Variants in ZNF385D observed in about 807,000 individuals in gnomAD.
ZNF385D encodes the protein zinc finger protein 659.
A neutral mutation model predicts 35.8 loss-of-function variants in ZNF385D; 15 were observed. The observed-to-expected ratio is 0.42, with a 90% CI of 0.28 to 0.64. The LOEUF (loss-of-function observed/expected upper bound fraction) is 0.64, where lower values mean the gene tolerates loss of function less well. ZNF385D is among the 30% of genes least tolerant of loss of function. The pLI is 0.23. For synonymous variants in ZNF385D, 212 were observed against 186.8 expected (o/e 1.13, Z -1.10); for missense variants, 474 against 494.6 (o/e 0.96, Z 0.39).
intron 3 of ZNF385D, among the ~76,000 whole-genome samples, chr3:21,824,245 C>T (rs1293841746): frequency 2.0e-5 from 3 of 152,106 alleles, no homozygotes; most frequent in African/African-American, 4.8e-5. Flanking sequence ...TTTAAATTAA[C>T]GTTATATTCA....
intron 3 of ZNF385D, among the ~76,000 whole-genome samples, chr3:21,770,692 G>C (rs1380418674): frequency 1.3e-5 from 2 of 152,052 alleles, no homozygotes; most frequent in Admixed American, 6.6e-5. Context: ...TATTCCTCAG[G>C]GATCTAGAAC....
chr3:22,106,387 T>C (rs922719032), intron 3 of ZNF385D, among the ~76,000 whole-genome samples: 1 of 148,038 alleles, frequency 6.8e-6, no homozygotes, highest in Non-Finnish European at 1.5e-5. Context: ...TTCTCCTAGG[T>C]CCAGCTGAAA....
At chr3:22,337,235 G>A (rs1331837342) in intron 2 of ZNF385D, among the ~76,000 whole-genome samples, 1 of 151,740 alleles carries the variant, frequency 6.6e-6, no homozygotes, top group Non-Finnish European at 1.5e-5. Flanking sequence ...CAAAACAAAT[G>A]CAGTTAAGAT....
chr3:21,772,445 A>G (rs1371979619), intron 3 of ZNF385D, among the ~76,000 whole-genome samples: 5 of 151,964 alleles, frequency 3.3e-5, no homozygotes, highest in African/African-American at 9.7e-5. Flanking sequence ...TTTTCCAAAG[A>G]TAATATGCAA....
At chr3:21,750,787 A>T in intron 1 of ZNF385D, 108 bp downstream of exon 1, 1 of 1,379,814 alleles carries the variant, frequency 7.2e-7, no homozygotes, top group Non-Finnish European at 1.0e-6. Flanking sequence ...AACTGGAGGT[A>T]GGTTTAATGT....
chr3:21,997,783 T>C (rs1695559727), intron 3 of ZNF385D, among the ~76,000 whole-genome samples: 1 of 152,106 alleles, frequency 6.6e-6, no homozygotes, highest in Admixed American at 6.5e-5. Flanking sequence ...AATGTGTTAA[T>C]ACAGGAATTC....
At chr3:21,997,887 G>T (rs1217705708) in intron 3 of ZNF385D, among the ~76,000 whole-genome samples, 1 of 151,224 alleles carries the variant, frequency 6.6e-6, no homozygotes, top group Non-Finnish European at 1.5e-5. Context: ...GTGTGTGTGT[G>T]TGTGTGTGTG....
chr3:21,629,940 A>G (rs13101058), intron 2 of ZNF385D, among the ~76,000 whole-genome samples: 90,118 of 151,968 alleles, frequency 0.59, 27,205 homozygotes, highest in Non-Finnish European at 0.64. Flanking sequence ...CTGCAATGAT[A>G]TGGTTAAATA....
At chr3:22,067,119 G>A (rs1377289991) in intron 3 of ZNF385D, among the ~76,000 whole-genome samples, 1 of 152,192 alleles carries the variant, frequency 6.6e-6, no homozygotes, top group Admixed American at 6.5e-5. Context: ...TAATGGTACA[G>A]GCATTAGAAA....
intron 3 of ZNF385D, among the ~76,000 whole-genome samples, chr3:21,832,854 C>A (rs1326989593): frequency 6.6e-6 from 1 of 152,048 alleles, no homozygotes; most frequent in East Asian, 1.9e-4. Flanking sequence ...TGCTTAACAC[C>A]CAAAAGGAAA....
At position 22,191,957 on chromosome 3, in the gene ZNF385D, CCTCTTAA is replaced by C. The variant is rs1696068174; in HGVS notation, c.107-22929_107-22923del. 5.3e-5 allele frequency among the ~76,000 whole-genome samples: 8 copies of C among 152,232 alleles called. No homozygotes were observed. The South Asian group carries it at 1.7e-3, about 32-fold the overall frequency. ...CAGATTCATCTAACAAAGCATGATT[CCTCTTAA>C]CTCTGTCTTGTTTAGGAATTGACAT... On this transcript the variant is annotated intron_variant, in intron 2 of 5. Transcript: ENST00000494108.
chr3:21,527,209 ATAT>A (rs915924635), intron 3 of ZNF385D, among the ~76,000 whole-genome samples: 4 of 152,184 alleles, frequency 2.6e-5, no homozygotes, highest in African/African-American at 9.6e-5. Flanking sequence ...TGATAATTAC[ATAT>A]TATTATACAA....
intron 2 of ZNF385D, among the ~76,000 whole-genome samples, chr3:22,341,682 T>C (rs1005383700): frequency 6.6e-6 from 1 of 152,202 alleles, no homozygotes; most frequent in African/African-American, 2.4e-5. Context: ...TTGATAGTCA[T>C]ATCTTTTGGA....
At chr3:21,784,853 T>TA (rs2071624198) in intron 3 of ZNF385D, among the ~76,000 whole-genome samples, 1 of 152,192 alleles carries the variant, frequency 6.6e-6, no homozygotes, top group Non-Finnish European at 1.5e-5. Context: ...ATGGCACTGT[T>TA]ACTGATTGTG....
intron 1 of ZNF385D, among the ~76,000 whole-genome samples, chr3:21,712,950 G>C (rs2068170553): frequency 1.3e-5 from 2 of 152,138 alleles, no homozygotes; most frequent in Non-Finnish European, 1.5e-5. Context: ...AAATACACAT[G>C]CACAAACACT....
intron 1 of ZNF385D, among the ~76,000 whole-genome samples, chr3:21,734,255 C>G (rs1345131379): frequency 1.4e-5 from 2 of 147,388 alleles, no homozygotes; most frequent in East Asian, 4.1e-4. Context: ...TAGATCCAGA[C>G]TAGGCAGTAG....
intron 3 of ZNF385D, among the ~76,000 whole-genome samples, chr3:22,056,525 T>C (rs914010822): frequency 2.4e-4 from 37 of 152,146 alleles, no homozygotes; most frequent in Non-Finnish European, 5.1e-4. Context: ...GTGTACATCT[T>C]CCTAAAGCCA....
At chr3:22,362,758 CAG>C (rs1304232491) in intron 2 of ZNF385D, among the ~76,000 whole-genome samples, 1 of 152,016 alleles carries the variant, frequency 6.6e-6, no homozygotes, top group East Asian at 1.9e-4. Context: ...TCCTAGATGA[CAG>C]AATATTATGC....
chr3:21,875,229 G>C (rs1230070452), intron 3 of ZNF385D, among the ~76,000 whole-genome samples: 1 of 149,892 alleles, frequency 6.7e-6, no homozygotes, highest in African/African-American at 2.5e-5. Flanking sequence ...TTTCCAATAT[G>C]AATGTCTTTT....
Sources: gnomAD v4.1 joint callset for allele counts (sites outside exome capture counted in the v4.1 genomes callset) on GRCh38, gnomAD v4.1.1 for gene constraint, MANE v1.5 for transcripts, NCBI Gene and HGNC (gene_info 2026-07-23, HGNC 2026-07-21) for gene names.